Variants in DPH6 observed in about 807,000 individuals in gnomAD.
DPH6 encodes diphthamine biosynthesis 6, also known as diphthine--ammonia ligase.
In DPH6, 33 loss-of-function variants were observed where a neutral mutation model predicts 38.2. The ratio of observed to expected loss-of-function variants is 0.86; its 90% CI spans 0.65 to 1.15. The LOEUF (loss-of-function observed/expected upper bound fraction) is 1.15, where lower values mean the gene tolerates loss of function less well. Among genes scored for constraint, DPH6 ranks in the 50% most tolerant of loss-of-function variants. DPH6 has a pLI of 0.00. For synonymous variants in DPH6, 108 were observed against 103.0 expected, an observed-to-expected ratio of 1.05 and a Z score of -0.30; for missense variants, 325 against 320.0, an observed-to-expected ratio of 1.02 and a Z score of -0.12.
chr15:35,186,101 A>C, the DPH6 span, among the ~76,000 whole-genome samples: 2 of 152,144 alleles, frequency 1.3e-5, no homozygotes, highest in Non-Finnish European at 2.9e-5. Context: ...ACCAGTCGGA[A>C]GCAGAGTTTG....
chr15:35,270,991 G>A (rs572686294), intron 3 of DPH6, among the ~76,000 whole-genome samples: 19 of 152,332 alleles, frequency 1.2e-4, no homozygotes, highest in African/African-American at 4.6e-4. Context: ...CTGAAGCGAA[G>A]ACCATCTACC....
chr15:35,197,617 C>T, the DPH6 span, among the ~76,000 whole-genome samples: 33 of 152,292 alleles, frequency 2.2e-4, no homozygotes, highest in African/African-American at 5.8e-4. Context: ...GCCTGAAATA[C>T]ACTCTATCTA....
At chr15:35,277,971 G>C (rs1405248384) in intron 3 of DPH6, among the ~76,000 whole-genome samples, 1 of 152,174 alleles carries the variant, frequency 6.6e-6, no homozygotes, top group East Asian at 1.9e-4. Flanking sequence ...GAGCATAAAA[G>C]TTTGACAAAT....
intron 3 of DPH6, among the ~76,000 whole-genome samples, chr15:35,275,671 A>G (rs2051852876): frequency 6.6e-6 from 1 of 152,072 alleles, no homozygotes; most frequent in African/African-American, 2.4e-5. Flanking sequence ...ATACCTATGT[A>G]ACAAACTTGC....
At chr15:35,390,656 T>G (rs1037761410) in intron 6 of DPH6, among the ~76,000 whole-genome samples, 1 of 151,646 alleles carries the variant, frequency 6.6e-6, no homozygotes, top group African/African-American at 2.4e-5. Flanking sequence ...CTTGTGCATT[T>G]GTCACGTAGT....
At chr15:35,350,653 A>C (rs560315742) in intron 3 of DPH6, among the ~76,000 whole-genome samples, 2 of 152,246 alleles carry the variant, frequency 1.3e-5, no homozygotes, top group South Asian at 4.1e-4. Context: ...ACTTGACCTA[A>C]GATATTTTCG....
intron 3 of DPH6, among the ~76,000 whole-genome samples, chr15:35,283,524 C>T (rs750234816): frequency 1.3e-5 from 2 of 151,864 alleles, no homozygotes; most frequent in Non-Finnish European, 2.9e-5. Flanking sequence ...TCTCAAACTC[C>T]CGTCCTCATG....
intron 5 of DPH6, among the ~76,000 whole-genome samples, 171 bp from the exon 6 acceptor site, chr15:35,411,067 T>C (rs1467244698): frequency 6.6e-6 from 1 of 151,698 alleles, no homozygotes; most frequent in Non-Finnish European, 1.5e-5. Flanking sequence ...CTATTCCCCT[T>C]GGGTAACTGG....
chr15:35,412,999 G>GTGTCAC (rs142000816), intron 5 of DPH6, among the ~76,000 whole-genome samples: 8 of 150,862 alleles, frequency 5.3e-5, no homozygotes, highest in Non-Finnish European at 1.2e-4. Flanking sequence ...TGATTATGAT[G>GTGTCAC]TGTCATTGTA....
At chr15:35,523,303 T>C (rs1022685929) in intron 3 of DPH6, among the ~76,000 whole-genome samples, 2 of 151,116 alleles carry the variant, frequency 1.3e-5, no homozygotes, top group Non-Finnish European at 3.0e-5. Context: ...GTTCATATCC[T>C]TAGCCCATTA....
At chr15:35,390,121 T>C (rs1455543674) in intron 6 of DPH6, among the ~76,000 whole-genome samples, 1 of 152,224 alleles carries the variant, frequency 6.6e-6, no homozygotes, top group Non-Finnish European at 1.5e-5. Flanking sequence ...TGGCTGGATA[T>C]GAAATTCTGG....
intron 3 of DPH6, among the ~76,000 whole-genome samples, chr15:35,294,598 A>T (rs2052002555): frequency 6.6e-6 from 1 of 152,080 alleles, no homozygotes; most frequent in Non-Finnish European, 1.5e-5. Flanking sequence ...GATTGTATTA[A>T]TTCATTAAAT....
At chr15:35,538,862 GA>G (rs199552302) in intron 2 of DPH6, among the ~76,000 whole-genome samples, 8 of 149,780 alleles carry the variant, frequency 5.3e-5, no homozygotes, top group African/African-American at 2.0e-4. Context: ...TAGACTTGTA[GA>G]AAAAAAAACC....
chr15:35,260,037 T>C (rs766180937), intron 3 of DPH6, among the ~76,000 whole-genome samples: 1 of 152,186 alleles, frequency 6.6e-6, no homozygotes, highest in Non-Finnish European at 1.5e-5. Context: ...TAATTACTAT[T>C]TTAGAGTAAA....
At chr15:35,292,511 G>C (rs1040041464) in intron 3 of DPH6, among the ~76,000 whole-genome samples, 2 of 152,100 alleles carry the variant, frequency 1.3e-5, no homozygotes, top group Non-Finnish European at 2.9e-5. Context: ...TATGATAACA[G>C]AATTTGTTCA....
chr15:35,375,565 A>G (rs1417070897), intron 7 of DPH6, among the ~76,000 whole-genome samples: 1 of 152,128 alleles, frequency 6.6e-6, no homozygotes, highest in Non-Finnish European at 1.5e-5. Flanking sequence ...CCAGAAAACT[A>G]AGACAATTGT....
Position 35,373,613 on chromosome 15 carries a change from A to G in DPH6, c.663-5T>C, listed in dbSNP as rs1164951535. Reference sequence around the variant, plus strand: ...ATGACTACTTCTGATGAATCCCTGAAATACAAAAATTTTACAATACATTTA... The same window carrying G: ...ATGACTACTTCTGATGAATCCCTGAGATACAAAAATTTTACAATACATTTA... On this transcript the variant is annotated splice_polypyrimidine_tract_variant and splice_region_variant and intron_variant, in intron 7 of 8. Coordinates refer to ENST00000256538, the MANE Select transcript of DPH6 (RefSeq NM_080650.4). 1.9e-6 allele frequency: 3 copies of G among 1,602,418 alleles called. No individual in the cohort carries two copies. Among genetic ancestry groups the G allele is most frequent in the Non-Finnish European group, 2.6e-6 (3 of 1,175,304 alleles).
At chr15:35,229,611 G>T (rs1230390123) in intron 3 of DPH6, among the ~76,000 whole-genome samples, 1 of 152,060 alleles carries the variant, frequency 6.6e-6, no homozygotes, top group African/African-American at 2.4e-5. Flanking sequence ...ATAGATGTTT[G>T]TCTGTGTCTG....
At chr15:35,298,723 T>C (rs1474383278) in intron 3 of DPH6, 11 of 1,582,000 alleles carry the variant, frequency 7.0e-6, no homozygotes, top group Non-Finnish European at 8.7e-6. Context: ...CGTACTTCTG[T>C]ATGATCTTGT....
Sources: allele counts gnomAD v4.1 joint callset (sites outside exome capture counted in the v4.1 genomes callset), GRCh38; gene constraint gnomAD v4.1.1; transcripts MANE v1.5; gene names NCBI Gene and HGNC (gene_info 2026-07-23, HGNC 2026-07-21).